CTNNA1: variants seen among roughly 807,000 people sequenced by gnomAD.
CTNNA1 encodes catenin alpha 1, also known as catenin alpha-1.
A neutral mutation model predicts 98.4 loss-of-function variants in CTNNA1; 37 were observed. The ratio of observed to expected loss-of-function variants is 0.38; its 90% CI spans 0.29 to 0.49. The LOEUF (loss-of-function observed/expected upper bound fraction) is 0.49. Ranked by LOEUF, CTNNA1 falls within the 20% of genes least tolerant of loss-of-function variation. CTNNA1 has a pLI of 0.95. For synonymous variants in CTNNA1, 404 were observed against 413.2 expected, an observed-to-expected ratio of 0.98 and a Z score of 0.27; for missense variants, 761 against 1,147.2, an observed-to-expected ratio of 0.66 and a Z score of 4.86.
chr5:138,764,258 C>T (rs918530883), intron 1 of CTNNA1, among the ~76,000 whole-genome samples: 7 of 151,754 alleles, frequency 4.6e-5, no homozygotes, highest in African/African-American at 9.7e-5. Context: ...CCCAGTTACT[C>T]GGGAGGCTGA....
In CTNNA1 at chr5:138,827,422, T is replaced by G. The variant is rs1192644742; in HGVS notation, c.859-93T>G. The G allele has an allele frequency of 3.5e-6, 5 of 1,418,034 alleles. No individual in the cohort carries two copies. In the African/African-American group the frequency reaches 5.7e-5, roughly 16 times the overall value. The allele number at this position is 1,418,034 out of a possible 1,614,324, so 87.8% of individuals were successfully genotyped here. On this transcript the variant is annotated intron_variant, in intron 6 of 17. Coordinates refer to ENST00000302763, the MANE Select transcript of CTNNA1 (RefSeq NM_001903.5). ...TCTTTCAGATGTTGGAATTTTTGTG[T>G]TAAATCTTGATATTACTAATAACAC...
intron 7 of CTNNA1, among the ~76,000 whole-genome samples, chr5:138,855,099 C>T (rs182256579): frequency 6.6e-6 from 1 of 152,186 alleles, no homozygotes; most frequent in Admixed American, 6.5e-5. Context: ...CGTGCAGTAG[C>T]GCGATCTCGG....
In CTNNA1 at chr5:138,930,887, T is replaced by C; in HGVS notation, c.2250T>C (p.Ala750=). The stretch of plus-strand genomic sequence containing the variant: ...TCATCAGTGCTGCCAAGAAAATTGC[T>C]GAGGCAGGATCCAGGATGGACAAGC... ...SDVISAAKKI[A]EAGSRMDKLG... Residue 750 remains alanine, a synonymous_variant, in exon 16 of 18, where the codon GCT becomes GCC. Transcript: ENST00000302763. 1 of 1,614,168 alleles carries C rather than the reference T, an allele frequency of 6.2e-7. No individual in the cohort carries two copies. Among genetic ancestry groups the C allele is most frequent in the South Asian group, 1.1e-5 (1 of 91,082 alleles).
At chr5:138,762,950 A>AT (rs947523100) in intron 1 of CTNNA1, among the ~76,000 whole-genome samples, 5 of 152,038 alleles carry the variant, frequency 3.3e-5, no homozygotes, top group Non-Finnish European at 7.4e-5. Flanking sequence ...TTAAAGGCTA[A>AT]TTTTTTCCCT....
intron 1 of CTNNA1, among the ~76,000 whole-genome samples, chr5:138,756,737 T>C (rs1751692939): frequency 1.3e-5 from 2 of 152,134 alleles, no homozygotes; most frequent in South Asian, 2.1e-4. Context: ...TAAGAAGCCA[T>C]TGTAGGGAGT....
chr5:138,778,017 G>A (rs1754590377), intron 1 of CTNNA1, among the ~76,000 whole-genome samples: 1 of 53,322 alleles, frequency 1.9e-5, no homozygotes. Flanking sequence ...TTTTTAAACA[G>A]AGTCTTGCTC....
intron 7 of CTNNA1, among the ~76,000 whole-genome samples, chr5:138,867,183 A>T (rs979657009): frequency 6.6e-6 from 1 of 152,308 alleles, no homozygotes; most frequent in South Asian, 2.1e-4. Context: ...TGCTTATGGG[A>T]TGAGTTTGAC....
chr5:138,790,800 C>T (rs1388345425), intron 3 of CTNNA1: 1 of 152,174 alleles, frequency 6.6e-6, no homozygotes, highest in African/African-American at 2.4e-5. Context: ...CTGAACAGAG[C>T]AAGGATTGAT....
At chr5:138,899,470 T>A (rs988785264) in intron 9 of CTNNA1, among the ~76,000 whole-genome samples, 9 of 152,228 alleles carry the variant, frequency 5.9e-5, no homozygotes, top group Non-Finnish European at 1.0e-4. Context: ...GGCTTTTTCT[T>A]CTTTTCCTCC....
At chr5:138,807,288 G>A (rs1433089513) in intron 3 of CTNNA1, among the ~76,000 whole-genome samples, 1 of 151,894 alleles carries the variant, frequency 6.6e-6, no homozygotes, top group Non-Finnish European at 1.5e-5. Context: ...GATTATAGGT[G>A]TGAGCCACTG....
chr5:138,921,445 G>A (rs1158518401), intron 11 of CTNNA1, among the ~76,000 whole-genome samples: 1 of 152,156 alleles, frequency 6.6e-6, no homozygotes, highest in Non-Finnish European at 1.5e-5. Flanking sequence ...TTCATTAAGT[G>A]TCAGTGTCCA....
rs771672517 is a variant in CTNNA1, at chr5:138,933,890, C to A, written c.2522C>A (p.Thr841Asn). The A allele has an allele frequency of 4.3e-5, 69 of 1,614,064 alleles. No homozygotes were observed. The highest frequency in any genetic ancestry group is 5.8e-5 in the Non-Finnish European group (69 of 1,180,050). ...QTVKASYVASTKYQKSQGMAS... is the reference protein window; with the variant it reads ...QTVKASYVASNKYQKSQGMAS... ...GTGAAGGCATCCTACGTCGCCTCTACCAAATACCAAAAGTCACAGGGTATG... is the reference window on the plus strand; with the variant it reads ...GTGAAGGCATCCTACGTCGCCTCTAACAAATACCAAAAGTCACAGGGTATG... Residue 841 changes from threonine to asparagine, a missense_variant, in exon 18 of 18, where the codon ACC (threonine) becomes AAC (asparagine). Physicochemically the swap from Thr to Asn is moderately conservative, Grantham distance 65. Transcript: ENST00000302763.
intron 3 of CTNNA1, among the ~76,000 whole-genome samples, chr5:138,788,537 A>G (rs949075424): frequency 1.3e-5 from 2 of 152,180 alleles, no homozygotes; most frequent in Non-Finnish European, 2.9e-5. Context: ...TAATTCCAGG[A>G]CATTTTTATC....
chr5:138,808,584 A>G (rs1444010138), intron 3 of CTNNA1, among the ~76,000 whole-genome samples: 2 of 151,516 alleles, frequency 1.3e-5, no homozygotes, highest in South Asian at 2.1e-4. Flanking sequence ...TAATATATGC[A>G]TGTGAGGCAA....
chr5:138,809,625 C>G, intron 3 of CTNNA1, among the ~76,000 whole-genome samples: 1 of 152,034 alleles, frequency 6.6e-6, no homozygotes, highest in Non-Finnish European at 1.5e-5. Context: ...TGTGGTGGTT[C>G]TGCATAATTG....
intron 10 of CTNNA1, among the ~76,000 whole-genome samples, chr5:138,914,031 A>C (rs567372978): frequency 6.6e-6 from 1 of 152,314 alleles, no homozygotes; most frequent in African/African-American, 2.4e-5. Flanking sequence ...ACCTCTTTCT[A>C]TTCCAAATTT....
At position 138,770,269 on chromosome 5, in the gene CTNNA1, G is replaced by A. The variant is rs116111509; in HGVS notation, c.-2-11654G>A. ...TCCAGGTGCTTGTTTCACATTCTTT[G>A]CTTTTTAGACTAGTCATTCAGTCTC... On this transcript the variant is annotated intron_variant, in intron 1 of 17. Coordinates refer to ENST00000302763, the MANE Select transcript of CTNNA1 (RefSeq NM_001903.5). Among the ~76,000 whole-genome samples the A allele has an allele frequency of 3.1e-3, 471 of 152,058 alleles. 2 individuals carry two copies. The highest frequency in any genetic ancestry group is 0.011 in the African/African-American group (446 of 41,464).
At chr5:138,853,291 C>A (rs780847408) in intron 7 of CTNNA1, among the ~76,000 whole-genome samples, 38 of 152,100 alleles carry the variant, frequency 2.5e-4, no homozygotes, top group Non-Finnish European at 4.9e-4. Flanking sequence ...CTGTTGAATT[C>A]AAATAATCTT....
In CTNNA1 at chr5:138,811,250, G is replaced by A. The variant is rs1359310920; in HGVS notation, c.469-933G>A. Among the ~76,000 whole-genome samples the A allele has an allele frequency of 8.2e-5, 12 of 145,764 alleles. No homozygotes were observed. The East Asian group carries it at 2.2e-3, about 26-fold the overall frequency. On this transcript the variant is annotated intron_variant, in intron 4 of 17. Transcript: ENST00000302763. ...TCACCTCCCAGATGGGGTCGCGGCC[G>A]GGCAGAGGCGCTCCTCACATCCCAG...
Sources: gnomAD v4.1 joint callset for allele counts (sites outside exome capture counted in the v4.1 genomes callset) on GRCh38, gnomAD v4.1.1 for gene constraint, MANE v1.5 for transcripts, NCBI Gene and HGNC (gene_info 2026-07-23, HGNC 2026-07-21) for gene names.